CSNK1G1: variants seen among roughly 807,000 people sequenced by gnomAD.
CSNK1G1 encodes the protein casein kinase I isoform gamma-1.
In CSNK1G1, 22 loss-of-function variants were observed where a neutral mutation model predicts 59.6. The ratio of observed to expected loss-of-function variants is 0.37; its 90% CI spans 0.26 to 0.53. The LOEUF (loss-of-function observed/expected upper bound fraction) is 0.53, where lower values mean the gene tolerates loss of function less well. CSNK1G1 is among the 20% of genes least tolerant of loss of function. CSNK1G1 has a pLI of 0.89. For missense variants in CSNK1G1, 384 were observed against 519.5 expected, an observed-to-expected ratio of 0.74 and a Z score of 2.54; for synonymous variants, 179 against 177.1, an observed-to-expected ratio of 1.01 and a Z score of -0.08.
At chr15:64,242,079 A>G (rs1891494533) in intron 4 of CSNK1G1, among the ~76,000 whole-genome samples, 1 of 152,166 alleles carries the variant, frequency 6.6e-6, no homozygotes, top group Non-Finnish European at 1.5e-5. Context: ...ATGAACAACT[A>G]TATGCTAACA....
At position 64,200,820 on chromosome 15, in the gene CSNK1G1, T is replaced by G. The variant is rs1162600356; in HGVS notation, c.1107+2262A>C. On this transcript the variant is annotated intron_variant, in intron 10 of 11. Coordinates refer to ENST00000303052, the MANE Select transcript of CSNK1G1 (RefSeq NM_022048.5). The surrounding 1 kb of genome is among the most constrained non-coding windows in gnomAD (Gnocchi z 4.3). ...TTCAATAAAGGATGTGAAGTAGATT[T>G]ATAACCATGCCTTTATAGGTGGATA... Among the ~76,000 whole-genome samples the G allele has an allele frequency of 1.3e-5, 2 of 152,260 alleles. No homozygotes were observed. Among genetic ancestry groups the G allele is most frequent in the Non-Finnish European group, 2.9e-5 (2 of 68,054 alleles).
intron 1 of CSNK1G1, chr15:64,348,405 G>A (rs1898091430): frequency 2.0e-5 from 3 of 152,076 alleles, no homozygotes; most frequent in Admixed American, 2.0e-4. Flanking sequence ...GAAACTGGGG[G>A]ATGGAGGAGA....
chr15:64,253,521 A>C (rs1365480611), intron 3 of CSNK1G1, among the ~76,000 whole-genome samples: 1 of 152,218 alleles, frequency 6.6e-6, no homozygotes, highest in Non-Finnish European at 1.5e-5. Context: ...GCAATTTTTC[A>C]AAAAATTAAA....
chr15:64,328,044 C>G (rs1400002859), intron 1 of CSNK1G1, among the ~76,000 whole-genome samples: 2 of 64,112 alleles, frequency 3.1e-5, no homozygotes, highest in African/African-American at 1.3e-4. Flanking sequence ...AAATCTACGT[C>G]TGATTGGTGT....
At chr15:64,244,168 C>CAAAAAAAAAAAAAAA in intron 4 of CSNK1G1, among the ~76,000 whole-genome samples, 1 of 150,720 alleles carries the variant, frequency 6.6e-6, no homozygotes, top group Non-Finnish European at 1.5e-5. Context: ...GACTCTGTCT[C>CAAAAAAAAAAAAAAA]AAAAAATAAA....
At chr15:64,203,815 G>A (rs888219362) in intron 9 of CSNK1G1, among the ~76,000 whole-genome samples, 2 of 151,712 alleles carry the variant, frequency 1.3e-5, no homozygotes, top group African/African-American at 2.4e-5. Flanking sequence ...TGCTACAAAG[G>A]TCAAGTACAT....
intron 2 of CSNK1G1, among the ~76,000 whole-genome samples, chr15:64,272,842 C>T (rs1236241643): frequency 6.6e-6 from 1 of 152,012 alleles, no homozygotes; most frequent in African/African-American, 2.4e-5. Context: ...GTCTCCTAGG[C>T]TCAAGAAATC....
At chr15:64,195,691 A>G (rs1220772759) in intron 10 of CSNK1G1, among the ~76,000 whole-genome samples, 1 of 152,234 alleles carries the variant, frequency 6.6e-6, no homozygotes, top group East Asian at 1.9e-4. Context: ...GCAAGCAGGC[A>G]GAACTATTAA....
intron 1 of CSNK1G1, among the ~76,000 whole-genome samples, chr15:64,325,880 G>C (rs1295045297): frequency 6.6e-6 from 1 of 152,190 alleles, no homozygotes; most frequent in African/African-American, 2.4e-5. Flanking sequence ...CAGAGAGTTA[G>C]TTCAAACTCA....
rs142532053 is a variant in CSNK1G1 at position 64,346,245 on chromosome 15, TA to T, written c.-225+9742del. Among the ~76,000 whole-genome samples, 34 of 134,498 alleles carry T rather than the reference TA, an allele frequency of 2.5e-4. 1 individual carries two copies. Among genetic ancestry groups the T allele is most frequent in the South Asian group, 4.7e-4 (2 of 4,300 alleles). 88.2% of individuals were successfully genotyped at this position (134,498 alleles called of 152,430 possible). A position where few individuals can be genotyped will look rare whatever the true frequency, so the allele number is the denominator to read the frequency against. On this transcript the variant is annotated intron_variant, in intron 1 of 11. Transcript: ENST00000303052. ...TATTTTTTTTAATTAAAAAATAAAT[TA>T]AAAAAAAAACAATTGGTCACCCATG...
intron 2 of CSNK1G1, among the ~76,000 whole-genome samples, chr15:64,263,673 C>G (rs567284026): frequency 6.6e-6 from 1 of 152,260 alleles, no homozygotes; most frequent in African/African-American, 2.4e-5. Flanking sequence ...CCTGCCCCTT[C>G]AGGCACTCAG....
chr15:64,182,211 G>A (rs939072670), intron 10 of CSNK1G1, among the ~76,000 whole-genome samples: 1 of 151,794 alleles, frequency 6.6e-6, no homozygotes, highest in Admixed American at 6.6e-5. Flanking sequence ...TTACAGGTAT[G>A]TGCCACCACA....
chr15:64,214,133 G>C lies in CSNK1G1; in HGVS notation c.445-9C>G, dbSNP rs763317948. 3.8e-6 allele frequency: 6 copies of C among 1,572,978 alleles called. No individual in the cohort carries two copies. The highest frequency in any genetic ancestry group is 5.3e-6 in the Non-Finnish European group (6 of 1,142,738). On this transcript the variant is annotated splice_polypyrimidine_tract_variant and intron_variant, in intron 5 of 11. Transcript: ENST00000303052. The surrounding 1 kb of genome is among the most constrained non-coding windows in gnomAD (Gnocchi z 4.3). ...TATTCCATTCGAGAAAGCTGAAAGA[G>C]AAACAAATGATAGAAAGACTGTAAA...
intron 1 of CSNK1G1, among the ~76,000 whole-genome samples, chr15:64,354,664 C>T (rs933399937): frequency 2.0e-5 from 3 of 152,080 alleles, no homozygotes; most frequent in Non-Finnish European, 4.4e-5. Flanking sequence ...TTTCACAAAA[C>T]TGGGCTGCCT....
rs377431386 is a variant in CSNK1G1, at chr15:64,204,639, T to C, written c.851-50A>G. The C allele has an allele frequency of 8.8e-6, 14 of 1,585,298 alleles. 1 individual carries two copies. The highest frequency in any genetic ancestry group is 8.1e-5 in the African/African-American group (6 of 73,750). ...CTGCTCATTAGCTGAATGCTTTCCA[T>C]AGCAGTTGTGGGGAAGCATTGGGCC... On this transcript the variant is annotated intron_variant, in intron 8 of 11. Coordinates refer to ENST00000303052, the MANE Select transcript of CSNK1G1 (RefSeq NM_022048.5).
In CSNK1G1 at chr15:64,251,565, C is replaced by A. The variant is rs769976038; in HGVS notation, c.239G>T (p.Arg80Leu). The A allele has an allele frequency of 6.2e-7, 1 of 1,611,856 alleles. No homozygotes were observed. The change falls in exon 4 of 12, where the codon CGT becomes CTT. Residue 80 changes from arginine (R) to leucine (L), a missense_variant. Arg to Leu is a moderately radical substitution (Grantham distance 102, BLOSUM62 -2). This residue lies in a region of CSNK1G1 where 325 missense variants were observed against 440.9 expected (regional missense o/e 0.74). Transcript: ENST00000303052. ...VAIKLEPIKSRAPQLHLEYRF... is the reference protein window; with the variant it reads ...VAIKLEPIKSLAPQLHLEYRF... ...GTACTCTAAATGAAGCTGTGGAGCA[C>A]GTGATTTTATTGGTTCCTGAAATCC...
chr15:64,199,185 A>G (rs892887803), intron 10 of CSNK1G1, among the ~76,000 whole-genome samples: 33 of 140,756 alleles, frequency 2.3e-4, no homozygotes, highest in African/African-American at 8.6e-4. Context: ...CAGGAAGTTG[A>G]GGCTGCAGTG....
rs1244642663 is a variant in CSNK1G1, at chr15:64,176,745, G to A, written c.1214+3603C>T. 6.6e-6 allele frequency among the ~76,000 whole-genome samples: 1 copy of A among 152,204 alleles called. No homozygotes were observed. Among genetic ancestry groups the A allele is most frequent in the Non-Finnish European group, 1.5e-5 (1 of 68,032 alleles). Reference sequence around the variant, plus strand: ...GGGAAAAAGAAAGTCCCTAGCCTTTGTGCAAGTCCAACATGCCTGATCAAA... The same window carrying A: ...GGGAAAAAGAAAGTCCCTAGCCTTTATGCAAGTCCAACATGCCTGATCAAA... On this transcript the variant is annotated intron_variant, in intron 11 of 11. Coordinates refer to ENST00000303052, the MANE Select transcript of CSNK1G1 (RefSeq NM_022048.5). This position sits in a 1 kb window ranked among gnomAD's most constrained non-coding sequence, Gnocchi z 5.2.
intron 2 of CSNK1G1, among the ~76,000 whole-genome samples, chr15:64,293,843 C>T (rs1894869748): frequency 6.6e-6 from 1 of 151,974 alleles, no homozygotes; most frequent in Admixed American, 6.6e-5. Context: ...ACAGTTTCAT[C>T]CTGAAACCAT....
Sources: allele counts gnomAD v4.1 joint callset (sites outside exome capture counted in the v4.1 genomes callset), GRCh38; gene constraint gnomAD v4.1.1; regional missense constraint gnomAD v4.1.1; non-coding constraint Gnocchi (gnomAD v3.1); transcripts MANE v1.5; gene names NCBI Gene and HGNC (gene_info 2026-07-23, HGNC 2026-07-21).